Variants in DNAJC28 observed in about 807,000 individuals in gnomAD.
DNAJC28 encodes DnaJ heat shock protein family (Hsp40) member C28.
Under a neutral mutation model 33.3 loss-of-function variants are expected in DNAJC28, and 24 were observed. That is an observed-to-expected ratio of 0.72 (90% CI 0.52 to 1.01). DNAJC28 has a LOEUF of 1.01. Ranked by LOEUF, DNAJC28 falls within the 50% of genes least tolerant of loss-of-function variation. The probability of loss-of-function intolerance (pLI) is 0.00; values close to 1 mark genes in which losing one functional copy is unlikely to be tolerated. For missense variants in DNAJC28, 442 were observed against 455.2 expected, an observed-to-expected ratio of 0.97 and a Z score of 0.26; for synonymous variants, 120 against 147.2, an observed-to-expected ratio of 0.82 and a Z score of 1.34.
chr21:33,488,314 T>C lies in DNAJC28; in HGVS notation c.1080A>G (p.Gln360=), dbSNP rs779358335. 1.9e-6 allele frequency: 3 copies of C among 1,570,774 alleles called. No homozygotes were observed. The South Asian group carries it at 3.6e-5, about 19-fold the overall frequency. ...TTTCAGGTGTTTTCTCTCCTTCTCCTTGATCAAGGTTATTTGGGTTTCTAT... is the reference window on the plus strand; with the variant it reads ...TTTCAGGTGTTTTCTCTCCTTCTCCCTGATCAAGGTTATTTGGGTTTCTAT... ...VTDRNPNNLD[Q]GEGEKTPEIK... The change falls in exon 2 of 2, where the codon CAA becomes CAG. Residue 360 remains glutamine, a synonymous_variant. Transcript: ENST00000381947.
At chr21:33,490,187 C>T (rs767960469) in intron 1 of DNAJC28, among the ~76,000 whole-genome samples, 12 of 150,670 alleles carry the variant, frequency 8.0e-5, no homozygotes, top group Non-Finnish European at 1.6e-4. Flanking sequence ...CGGCTCACTG[C>T]AACCTCTGCC....
Position 33,488,553 on chromosome 21 carries a change from G to A in DNAJC28, c.841C>T (p.Leu281Phe), listed in dbSNP as rs1260224143. 5 of 1,613,210 alleles carry A rather than the reference G, an allele frequency of 3.1e-6. No homozygotes were observed. The East Asian group carries it at 1.1e-4, about 36-fold the overall frequency. Residue 281 changes from leucine (L) to phenylalanine (F), a missense_variant, in exon 2 of 2, where the codon CTT becomes TTT. Leu to Phe is a conservative substitution (Grantham distance 22). Coordinates refer to ENST00000381947, the MANE Select transcript of DNAJC28 (RefSeq NM_001040192.3). ...TCAGTTGGTGTCATTGGATTCCCAA[G>A]TTTTTTCCTAGACACTAAAATTGCC... ...REAILVSRKK[L>F]GNPMTPTEKK...
In DNAJC28 at chr21:33,488,782, C is replaced by A; in HGVS notation, c.612G>T (p.Val204=). 1.2e-6 allele frequency: 2 copies of A among 1,613,766 alleles called. No individual in the cohort carries two copies. Among genetic ancestry groups the A allele is most frequent in the Non-Finnish European group, 1.7e-6 (2 of 1,179,974 alleles). ...QKITQAIERL[V]EDLIQESMAK... The stretch of plus-strand genomic sequence containing the variant: ...CCATGGATTCTTGAATGAGGTCCTC[C>A]ACTAAACGTTCTATAGCTTGCGTTA... The change falls in exon 2 of 2, where the codon GTG becomes GTT. Residue 204 remains valine (V), a synonymous_variant. Transcript: ENST00000381947.
In DNAJC28 at chr21:33,488,556, T is replaced by A; in HGVS notation, c.838A>T (p.Lys280Ter). 1 of 1,613,356 alleles carries A rather than the reference T, an allele frequency of 6.2e-7. No homozygotes were observed. ...GTTGGTGTCATTGGATTCCCAAGTTTTTTCCTAGACACTAAAATTGCCTCT... is the reference window on the plus strand; with the variant it reads ...GTTGGTGTCATTGGATTCCCAAGTTATTTCCTAGACACTAAAATTGCCTCT... ...LREAILVSRK[K>*]LGNPMTPTEK... The change falls in exon 2 of 2, where the codon AAA becomes TAA. Residue 280 changes from lysine to a stop codon, truncating the protein, a stop_gained. Transcript: ENST00000381947. LOFTEE classifies it high-confidence loss of function.
chr21:33,488,360 A>G lies in DNAJC28; in HGVS notation c.1034T>C (p.Ile345Thr). ...TCTATCTGTGACTTCTTTTGTTTTT[A>G]TAAGGGTCTCGTATATTTTCTGGGC... ...VRAQKIYETLIKTKEVTDRNP... is the reference protein window; with the variant it reads ...VRAQKIYETLTKTKEVTDRNP... The change falls in exon 2 of 2, where the codon ATA (isoleucine) becomes ACA (threonine). Residue 345 changes from isoleucine to threonine, a missense_variant. Physicochemically the swap from Ile to Thr is moderately conservative, Grantham distance 89. Transcript: ENST00000381947. 6.3e-7 allele frequency: 1 copy of G among 1,587,144 alleles called. No homozygotes were observed. Among genetic ancestry groups the G allele is most frequent in the Non-Finnish European group, 8.5e-7 (1 of 1,173,380 alleles).
chr21:33,489,847 G>T (rs561361488), intron 1 of DNAJC28, among the ~76,000 whole-genome samples: 1 of 144,286 alleles, frequency 6.9e-6, no homozygotes, highest in East Asian at 2.0e-4. Flanking sequence ...ATGCTGGAGT[G>T]CAGTGGCACA....
Position 33,488,257 on chromosome 21 carries a change from C to A in DNAJC28, c.1137G>T (p.Leu379=), listed in dbSNP as rs372123876. ...IKKGFLNWMN[L]WKFIKIRSF is the part of the protein sequence containing the mutation. ...ATGATCGTATTTTAATAAATTTCCA[C>A]AGATTCATCCAGTTTAAAAAACCTT... The change falls in exon 2 of 2, where the codon CTG becomes CTT. Residue 379 remains leucine (L), a synonymous_variant. Coordinates refer to ENST00000381947, the MANE Select transcript of DNAJC28 (RefSeq NM_001040192.3). 13 of 1,506,354 alleles carry A rather than the reference C, an allele frequency of 8.6e-6. No homozygotes were observed. The African/African-American group carries it at 1.7e-4, about 20-fold the overall frequency. 93.3% of individuals were successfully genotyped at this position (1,506,354 alleles called of 1,614,324 possible). A position where few individuals can be genotyped will look rare whatever the true frequency, so the allele number is the denominator to read the frequency against.
chr21:33,489,555 G>T, intron 1 of DNAJC28, 131 bp from the exon 2 acceptor site: 4 of 440,094 alleles, frequency 9.1e-6, no homozygotes, highest in Non-Finnish European at 1.5e-5. Flanking sequence ...GAATGCTGCT[G>T]TCAACTTTTT....
At chr21:33,491,392 T>TCGGTCCTG (rs1555887255) in intron 1 of DNAJC28, 1 of 151,844 alleles carries the variant, frequency 6.6e-6, no homozygotes, top group East Asian at 1.9e-4. Context: ...GCAAGGGAGG[T>TCGGTCCTG]CGGTCCTGCC....
chr21:33,488,411 A>C lies in DNAJC28; in HGVS notation c.983T>G (p.Phe328Cys), dbSNP rs190424708. The C allele has an allele frequency of 2.5e-6, 4 of 1,591,650 alleles. No homozygotes were observed. In the Admixed American group the frequency reaches 7.5e-5, roughly 30 times the overall value. ...TCTGACAATTTCTTTCTGAGCATCA[A>C]AATGGACTTTTTGCCTGGTCAGGAT... ...VPILTRQKVH[F>C]DAQKEIVRAQ... Residue 328 changes from phenylalanine to cysteine, a missense_variant, in exon 2 of 2, where the codon TTT becomes TGT. Coordinates refer to ENST00000381947, the MANE Select transcript of DNAJC28 (RefSeq NM_001040192.3).
In DNAJC28 at chr21:33,488,137, C is replaced by T; in HGVS notation, c.*90G>A. On this transcript the variant is annotated 3_prime_UTR_variant, in exon 2 of 2. Coordinates refer to ENST00000381947, the MANE Select transcript of DNAJC28 (RefSeq NM_001040192.3). ...ATTAGTTTTGTGATAAGTACAATGGCACAATTCTTAAATTCTTGTATTATA... is the reference window on the plus strand; with the variant it reads ...ATTAGTTTTGTGATAAGTACAATGGTACAATTCTTAAATTCTTGTATTATA... 9.1e-7 allele frequency: 1 copy of T among 1,097,816 alleles called. No individual in the cohort carries two copies. The highest frequency in any genetic ancestry group is 1.3e-6 in the Non-Finnish European group (1 of 797,372). The allele number at this position is 1,097,816 out of a possible 1,614,324, so 68.0% of individuals were successfully genotyped here.
intron 1 of DNAJC28, among the ~76,000 whole-genome samples, chr21:33,489,652 G>C (rs1040714806): frequency 6.6e-6 from 1 of 150,690 alleles, no homozygotes; most frequent in African/African-American, 2.5e-5. Context: ...GCCACGCCTA[G>C]CTAATTTTTT....
intron 1 of DNAJC28, 131 bp from the exon 2 acceptor site, chr21:33,489,555 G>A (rs925708108): frequency 1.4e-5 from 6 of 440,102 alleles, no homozygotes. Context: ...GAATGCTGCT[G>A]TCAACTTTTT....
rs1363635870 is a variant in DNAJC28, at chr21:33,489,003, G to A, written c.391C>T (p.Pro131Ser). Reference sequence around the variant, plus strand: ...AAACTTAAATAATGTCGGTGTTGGGGTGTTTTATATTTGAATTTTTCTACA... The same window carrying A: ...AAACTTAAATAATGTCGGTGTTGGGATGTTTTATATTTGAATTTTTCTACA... ...EDVEKFKYKTPQHRHYLSFEG... is the reference protein window; with the variant it reads ...EDVEKFKYKTSQHRHYLSFEG... Residue 131 changes from proline to serine, a missense_variant, in exon 2 of 2, where the codon CCC becomes TCC. Pro to Ser is a moderately conservative substitution (Grantham distance 74). Coordinates refer to ENST00000381947, the MANE Select transcript of DNAJC28 (RefSeq NM_001040192.3). 3 of 1,612,488 alleles carry A rather than the reference G, an allele frequency of 1.9e-6. No individual in the cohort carries two copies. Among genetic ancestry groups the A allele is most frequent in the Non-Finnish European group, 2.5e-6 (3 of 1,179,754 alleles).
In DNAJC28 at chr21:33,489,379, A is replaced by G. The variant is rs146480920; in HGVS notation, c.15T>C (p.Tyr5=). 7.9e-6 allele frequency: 12 copies of G among 1,522,868 alleles called. No homozygotes were observed. The highest frequency in any genetic ancestry group is 1.1e-5 in the Non-Finnish European group (12 of 1,141,290). 94.3% of individuals were successfully genotyped at this position (1,522,868 alleles called of 1,614,324 possible). Residue 5 remains tyrosine (Y), a synonymous_variant, in exon 2 of 2, where the codon TAT becomes TAC. Transcript: ENST00000381947. MNTM[Y]VMMAQILRSH... ...ATCTTAAGATCTGAGCCATCATCACATACATTGTATTCATTATTGTACCCA... is the reference window on the plus strand; with the variant it reads ...ATCTTAAGATCTGAGCCATCATCACGTACATTGTATTCATTATTGTACCCA...
intron 1 of DNAJC28, 116 bp from the exon 2 acceptor site, chr21:33,489,540 C>T: frequency 1.5e-5 from 7 of 455,566 alleles, no homozygotes; most frequent in Admixed American, 4.1e-5. Context: ...AGGGGCAGTT[C>T]TTTTGAATGC....
chr21:33,489,277 C>G lies in DNAJC28; in HGVS notation c.117G>C (p.Met39Ile). The change falls in exon 2 of 2, where the codon ATG becomes ATC. Residue 39 changes from methionine (M) to isoleucine (I), a missense_variant. Transcript: ENST00000381947. ...LPYFGIIRNR[M>I]MSTHKSKKKI... ...TCTTTTTGGATTTATGGGTTGACAT[C>G]ATTCTATTTCTAATGATACCAAAAT... 1 of 1,602,444 alleles carries G rather than the reference C, an allele frequency of 6.2e-7. No individual in the cohort carries two copies.
rs147512528 is a variant in DNAJC28, at chr21:33,488,405, G to T, written c.989C>A (p.Ala330Asp). The T allele has an allele frequency of 7.0e-5, 111 of 1,589,762 alleles. No individual in the cohort carries two copies. The African/African-American group carries it at 1.4e-3, about 20-fold the overall frequency. The change falls in exon 2 of 2, where the codon GCT becomes GAT. Residue 330 changes from alanine to aspartate, a missense_variant. Transcript: ENST00000381947. ...ILTRQKVHFDAQKEIVRAQKI... is the reference protein window; with the variant it reads ...ILTRQKVHFDDQKEIVRAQKI... Reference sequence around the variant, plus strand: ...CTGGGCTCTGACAATTTCTTTCTGAGCATCAAAATGGACTTTTTGCCTGGT... The same window carrying T: ...CTGGGCTCTGACAATTTCTTTCTGATCATCAAAATGGACTTTTTGCCTGGT...
intron 1 of DNAJC28, among the ~76,000 whole-genome samples, chr21:33,489,848 C>T (rs528813345): frequency 7.0e-6 from 1 of 142,212 alleles, no homozygotes; most frequent in East Asian, 2.1e-4. Flanking sequence ...TGCTGGAGTG[C>T]AGTGGCACAA....
Sources: gnomAD v4.1 joint callset for allele counts (sites outside exome capture counted in the v4.1 genomes callset) on GRCh38, gnomAD v4.1.1 for gene constraint, MANE v1.5 for transcripts, NCBI Gene and HGNC (gene_info 2026-07-23, HGNC 2026-07-21) for gene names.